The following PRKN variants were observed in gnomAD, a reference collection of about 807,000 sequenced individuals.
PRKN encodes parkin RBR E3 ubiquitin protein ligase.
A neutral mutation model predicts 59.5 loss-of-function variants in PRKN; 56 were observed. That is an observed-to-expected ratio of 0.94 (90% confidence interval 0.76 to 1.18). PRKN has a LOEUF of 1.18. Among genes scored for constraint, PRKN ranks in the 50% most tolerant of loss-of-function variants. The probability of loss-of-function intolerance (pLI) is 0.00; values close to 1 mark genes in which losing one functional copy is unlikely to be tolerated. For missense variants in PRKN, 657 were observed against 596.4 expected, an observed-to-expected ratio of 1.10 and a Z score of -1.06; for synonymous variants, 250 against 222.1, an observed-to-expected ratio of 1.13 and a Z score of -1.12.
intron 2 of PRKN, among the ~76,000 whole-genome samples, chr6:162,315,860 C>T (rs985259902): frequency 6.6e-6 from 1 of 152,134 alleles, no homozygotes; most frequent in African/African-American, 2.4e-5. Flanking sequence ...TGTCACAAGA[C>T]CAAGAAAGTA....
chr6:162,248,308 T>C (rs987670542), intron 3 of PRKN, among the ~76,000 whole-genome samples: 8 of 152,200 alleles, frequency 5.3e-5, no homozygotes, highest in African/African-American at 9.6e-5. Context: ...CGGAGAAACA[T>C]TGATCAAACT....
intron 9 of PRKN, among the ~76,000 whole-genome samples, chr6:161,505,876 T>C (rs1435329277): frequency 6.8e-6 from 1 of 147,756 alleles, no homozygotes; most frequent in Admixed American, 6.8e-5. Flanking sequence ...TTCTGTTCCA[T>C]TGATCTATAT....
In PRKN at chr6:161,378,733, G is replaced by A. The variant is rs551947651; in HGVS notation, c.1167+8061C>T. Among the ~76,000 whole-genome samples the A allele has an allele frequency of 3.9e-5, 6 of 152,296 alleles. No homozygotes were observed. Among genetic ancestry groups the A allele is most frequent in the South Asian group, 4.1e-4 (2 of 4,828 alleles). On this transcript the variant is annotated intron_variant, in intron 10 of 11. Coordinates refer to ENST00000366898, the MANE Select transcript of PRKN (RefSeq NM_004562.3). This position sits in a 1 kb window ranked among gnomAD's most constrained non-coding sequence, Gnocchi z 7.3. ...GGATGGACCAGGCTTGCACGATGCCGCTGGAGCTGCACTGTGATGTGGGCG... is the reference window on the plus strand; with the variant it reads ...GGATGGACCAGGCTTGCACGATGCCACTGGAGCTGCACTGTGATGTGGGCG...
chr6:162,726,714 T>C, intron 1 of PRKN, among the ~76,000 whole-genome samples: 1 of 152,198 alleles, frequency 6.6e-6, no homozygotes, highest in East Asian at 1.9e-4. Context: ...ACGTACTTAC[T>C]GCAATCAAAA....
At chr6:162,159,897 A>C (rs1427366079) in intron 4 of PRKN, among the ~76,000 whole-genome samples, 1 of 152,194 alleles carries the variant, frequency 6.6e-6, no homozygotes. Flanking sequence ...AATTGATCTG[A>C]TCTATGGCTT....
At chr6:162,300,083 C>T (rs1484061462) in intron 2 of PRKN, among the ~76,000 whole-genome samples, 1 of 152,034 alleles carries the variant, frequency 6.6e-6, no homozygotes, top group East Asian at 1.9e-4. Flanking sequence ...ATTATAGAAT[C>T]AGAGCAGTAG....
intron 9 of PRKN, among the ~76,000 whole-genome samples, chr6:161,501,116 G>A (rs571886826): frequency 6.6e-6 from 1 of 152,008 alleles, no homozygotes; most frequent in Non-Finnish European, 1.5e-5. Context: ...CTCGTGATCT[G>A]CCTGCCTCAA....
At chr6:162,386,142 T>C (rs1786793527) in intron 2 of PRKN, among the ~76,000 whole-genome samples, 1 of 152,160 alleles carries the variant, frequency 6.6e-6, no homozygotes, top group African/African-American at 2.4e-5. Context: ...TAAATTACAC[T>C]GCATGCATGG....
intron 1 of PRKN, among the ~76,000 whole-genome samples, chr6:162,528,539 A>G (rs1310426024): frequency 1.3e-5 from 2 of 152,162 alleles, no homozygotes; most frequent in Non-Finnish European, 2.9e-5. Context: ...GAAGGTTAGT[A>G]TTGTCTTATT....
chr6:162,599,091 C>G (rs1457478980), intron 1 of PRKN, among the ~76,000 whole-genome samples: 1 of 152,086 alleles, frequency 6.6e-6, no homozygotes, highest in Non-Finnish European at 1.5e-5. Flanking sequence ...TTTCCAGTTT[C>G]CATTTCTGGA....
chr6:162,149,973 C>A (rs537085506), intron 4 of PRKN, among the ~76,000 whole-genome samples: 2 of 152,184 alleles, frequency 1.3e-5, no homozygotes, highest in African/African-American at 4.8e-5. Context: ...AAAGACTCTA[C>A]ATTCCTGCAT....
intron 7 of PRKN, among the ~76,000 whole-genome samples, chr6:161,662,565 A>T (rs1245508149): frequency 6.6e-6 from 1 of 152,166 alleles, no homozygotes; most frequent in Non-Finnish European, 1.5e-5. Context: ...TGAATGGCAG[A>T]CAGTGGCACG....
intron 6 of PRKN, among the ~76,000 whole-genome samples, chr6:161,787,828 C>A (rs1790483404): frequency 1.3e-5 from 2 of 152,172 alleles, no homozygotes. Context: ...CGCCTGTAAT[C>A]CCAGCTACTC....
intron 6 of PRKN, among the ~76,000 whole-genome samples, chr6:161,932,192 C>G (rs1779191684): frequency 6.6e-6 from 1 of 151,816 alleles, no homozygotes; most frequent in South Asian, 2.1e-4. Flanking sequence ...GTGAAAAAAA[C>G]ACAGTTGTCT....
intron 7 of PRKN, among the ~76,000 whole-genome samples, chr6:161,654,358 C>T (rs1784261904): frequency 6.6e-6 from 1 of 152,184 alleles, no homozygotes; most frequent in Non-Finnish European, 1.5e-5. Context: ...GGAAGCCCTT[C>T]ATTTATTATG....
chr6:161,812,398 GA>G (rs1338472204), intron 6 of PRKN, among the ~76,000 whole-genome samples: 6 of 151,596 alleles, frequency 4.0e-5, no homozygotes, highest in Admixed American at 2.6e-4. Context: ...CCAAAAGGGG[GA>G]AAAAAAACTT....
intron 5 of PRKN, among the ~76,000 whole-genome samples, chr6:162,043,277 C>T (rs1414415500): frequency 6.6e-6 from 1 of 152,112 alleles, no homozygotes; most frequent in Non-Finnish European, 1.5e-5. Context: ...ATAGCCAAAC[C>T]ATATCAATAA....
At chr6:161,761,692 A>G (rs1470247712) in intron 7 of PRKN, among the ~76,000 whole-genome samples, 1 of 152,212 alleles carries the variant, frequency 6.6e-6, no homozygotes, top group Non-Finnish European at 1.5e-5. Context: ...GCAGAGCTAT[A>G]ATCAGAAAAC....
chr6:161,452,885 T>C (rs988998220), intron 9 of PRKN, among the ~76,000 whole-genome samples: 1 of 151,618 alleles, frequency 6.6e-6, no homozygotes, highest in Non-Finnish European at 1.5e-5. Flanking sequence ...ATATCATATA[T>C]ATTTTATATA....
Sources: allele counts gnomAD v4.1 joint callset (sites outside exome capture counted in the v4.1 genomes callset), GRCh38; gene constraint gnomAD v4.1.1; non-coding constraint Gnocchi (gnomAD v3.1); transcripts MANE v1.5; gene names NCBI Gene and HGNC (gene_info 2026-07-23, HGNC 2026-07-21).